DNAJC9: variants seen among roughly 807,000 people sequenced by gnomAD.
DNAJC9 encodes dnaJ homolog subfamily C member 9.
In DNAJC9, 18 loss-of-function variants were observed where a neutral mutation model predicts 32.4. The observed-to-expected ratio is 0.56, with a 90% confidence interval of 0.38 to 0.82. The LOEUF (loss-of-function observed/expected upper bound fraction) is 0.82. DNAJC9 is among the 40% of genes least tolerant of loss of function. DNAJC9 has a pLI of 0.00. For missense variants in DNAJC9, 310 were observed against 321.8 expected, an observed-to-expected ratio of 0.96 and a Z score of 0.28; for synonymous variants, 113 against 122.1, an observed-to-expected ratio of 0.93 and a Z score of 0.49.
chr10:73,236,382 G>A (rs999186558), downstream of DNAJC9, among the ~76,000 whole-genome samples: 4 of 151,092 alleles, frequency 2.6e-5, no homozygotes, highest in Non-Finnish European at 5.9e-5. Flanking sequence ...GGTGTTCCTT[G>A]GCTTGCAGCT....
chr10:73,241,393 CA>C (rs2043948901), downstream of DNAJC9: 1 of 236,352 alleles, frequency 4.2e-6, no homozygotes, highest in South Asian at 5.4e-5. Context: ...TCATCAGTGA[CA>C]ATATCACTGG....
chr10:73,246,867 C>A (rs369070269), intron 1 of DNAJC9, 39 bp from the exon 2 acceptor site: 1 of 1,610,130 alleles, frequency 6.2e-7, no homozygotes, highest in Non-Finnish European at 8.5e-7. Flanking sequence ...CCCTGCTCCT[C>A]CCACCGAAAC....
At chr10:73,245,368 A>G (rs1564723320) in intron 3 of DNAJC9, among the ~76,000 whole-genome samples, 1 of 120,938 alleles carries the variant, frequency 8.3e-6, no homozygotes, top group Non-Finnish European at 1.7e-5. Flanking sequence ...CCTCACCCCC[A>G]CTGTCACTGG....
chr10:73,246,881 G>A (rs956025224), intron 1 of DNAJC9, 53 bp from the exon 2 acceptor site: 6 of 1,609,040 alleles, frequency 3.7e-6, no homozygotes, highest in African/African-American at 1.3e-5. Flanking sequence ...CCGAAACGGC[G>A]GCGCGAGAAA....
rs1277539059 is a variant in DNAJC9 at position 73,247,222 on chromosome 10, C to A, written c.-33G>T. 1.3e-5 allele frequency: 21 copies of A among 1,570,162 alleles called. No homozygotes were observed. Among genetic ancestry groups the A allele is most frequent in the Non-Finnish European group, 1.8e-5 (21 of 1,158,756 alleles). ...GGAGATACGACCCCGGAGGAAGCAGCCGCTCCCAGCTGCGCCGGGTACAAC... is the reference window on the plus strand; with the variant it reads ...GGAGATACGACCCCGGAGGAAGCAGACGCTCCCAGCTGCGCCGGGTACAAC... On this transcript the variant is annotated 5_prime_UTR_variant, in exon 1 of 5. Transcript: ENST00000372950.
downstream of DNAJC9, among the ~76,000 whole-genome samples, chr10:73,237,523 G>A (rs956587216): frequency 2.6e-5 from 4 of 151,396 alleles, no homozygotes; most frequent in East Asian, 2.0e-4. Context: ...GGGTTCAATC[G>A]ATTCTCCTGC....
At chr10:73,243,550 C>T (rs373612378) in intron 4 of DNAJC9, 31 bp from the exon 5 acceptor site, 5 of 1,613,260 alleles carry the variant, frequency 3.1e-6, no homozygotes, top group Non-Finnish European at 4.2e-6. Context: ...CAAGCTTTCA[C>T]AACATTATCC....
At chr10:73,232,829 T>G in intron 2 of DNAJC9, 1 of 663,400 alleles carries the variant, frequency 1.5e-6, no homozygotes, top group Non-Finnish European at 2.6e-6. Context: ...TATTTTTGCT[T>G]TATTTCCCCC....
downstream of DNAJC9, among the ~76,000 whole-genome samples, chr10:73,235,875 C>T (rs995405440): frequency 6.6e-6 from 1 of 152,102 alleles, no homozygotes; most frequent in Non-Finnish European, 1.5e-5. Context: ...GCTGACACTG[C>T]CTACCATTTA....
At chr10:73,241,095 A>C (rs2043942416), downstream of DNAJC9, 2 of 849,976 alleles carry the variant, frequency 2.4e-6, no homozygotes, top group Non-Finnish European at 3.9e-6. Flanking sequence ...CAAGTGATGC[A>C]GAGCTTGTAT....
rs778739717 is a variant in DNAJC9, at chr10:73,246,030, T to C, written c.468A>G (p.Glu156=). The change falls in exon 3 of 5, where the codon GAA becomes GAG. Residue 156 remains glutamate (E), a synonymous_variant. Transcript: ENST00000372950. ...ESVLCVQYTE[E]PRIRNIIQQA... is the part of the protein sequence containing the mutation. ...GCTGAATGATATTCCTTATCCTGGG[T>C]TCCTCTGTGTACTGCACGCAAAGCA... 71 of 1,613,746 alleles carry C rather than the reference T, an allele frequency of 4.4e-5. No individual in the cohort carries two copies. The highest frequency in any genetic ancestry group is 4.1e-5 in the Non-Finnish European group (48 of 1,179,846).
downstream of DNAJC9, chr10:73,240,806 C>T (rs1392141828): frequency 1.0e-5 from 6 of 591,886 alleles, no homozygotes; most frequent in Non-Finnish European, 3.0e-6. Context: ...TTAGTGGGCT[C>T]TTCTACAAAA....
chr10:73,241,021 G>A, downstream of DNAJC9: 1 of 1,516,122 alleles, frequency 6.6e-7, no homozygotes, highest in South Asian at 1.2e-5. Context: ...GGACCATAAG[G>A]CAAATGAGAA....
At position 73,243,335 on chromosome 10, in the gene DNAJC9, C is replaced by T. The variant is rs7100458; in HGVS notation, c.*65G>A. 0.095 allele frequency: 150,245 copies of T among 1,581,588 alleles called. 11,761 individuals carry two copies. Among genetic ancestry groups the T allele is most frequent in the African/African-American group, 0.32 (23,920 of 73,632 alleles). On this transcript the variant is annotated 3_prime_UTR_variant, in exon 5 of 5. Coordinates refer to ENST00000372950, the MANE Select transcript of DNAJC9 (RefSeq NM_015190.5). ...CTGAATTGACTTTTGCCTTCAAATC[C>T]TGCCTGCACCTTGCCTACGATGGCA...
chr10:73,245,730 T>C (rs1323111599), intron 3 of DNAJC9, among the ~76,000 whole-genome samples, 192 bp downstream of exon 3: 7 of 152,220 alleles, frequency 4.6e-5, no homozygotes, highest in African/African-American at 1.7e-4. Context: ...ATAAAAATCA[T>C]CTTGAGCACA....
At position 73,242,430 on chromosome 10, in the gene DNAJC9, G is replaced by A. The variant is rs1172418985; in HGVS notation, c.*970C>T. The A allele has an allele frequency of 2.0e-5, 3 of 152,112 alleles. No homozygotes were observed. Among genetic ancestry groups the A allele is most frequent in the African/African-American group, 4.8e-5 (2 of 41,414 alleles). 9.4% of individuals were successfully genotyped at this position (152,112 alleles called of 1,614,324 possible). A position where few individuals can be genotyped will look rare whatever the true frequency, so the allele number is the denominator to read the frequency against. On this transcript the variant is annotated 3_prime_UTR_variant, in exon 5 of 5. Transcript: ENST00000372950. Reference sequence around the variant, plus strand: ...TTCAAAGTTAAAGAATCAGAAAGGGGCCTGTAAGAAGTCATTTAGCCCAAT... The same window carrying A: ...TTCAAAGTTAAAGAATCAGAAAGGGACCTGTAAGAAGTCATTTAGCCCAAT...
chr10:73,245,160 G>C (rs779121312), intron 3 of DNAJC9, among the ~76,000 whole-genome samples: 56 of 152,052 alleles, frequency 3.7e-4, no homozygotes, highest in Admixed American at 1.4e-3. Flanking sequence ...CTCTTATCTA[G>C]GCAAAACAGG....
rs16915029 is a variant in DNAJC9, at chr10:73,242,237, T to G, written c.*1163A>C. 6.6e-6 allele frequency: 1 copy of G among 152,142 alleles called. No homozygotes were observed. The highest frequency in any genetic ancestry group is 1.5e-5 in the Non-Finnish European group (1 of 68,028). The allele number at this position is 152,142 out of a possible 1,614,324, so 9.4% of individuals were successfully genotyped here. A position where few individuals can be genotyped will look rare whatever the true frequency, so the allele number is the denominator to read the frequency against. On this transcript the variant is annotated 3_prime_UTR_variant, in exon 5 of 5. Transcript: ENST00000372950. ...TTTACCTTAGAGCTAAAGGCTTACT[T>G]TATGCATACGGTATATTTAATAGTC...
downstream of DNAJC9, among the ~76,000 whole-genome samples, chr10:73,233,883 A>G (rs1250368337): frequency 2.0e-5 from 3 of 152,218 alleles, no homozygotes; most frequent in Admixed American, 6.5e-5. Context: ...TGCTTATTCC[A>G]TTGACAATGA....
Sources: gnomAD v4.1 joint callset for allele counts (sites outside exome capture counted in the v4.1 genomes callset) on GRCh38, gnomAD v4.1.1 for gene constraint, MANE v1.5 for transcripts, NCBI Gene and HGNC (gene_info 2026-07-23, HGNC 2026-07-21) for gene names.